Variants in ADGRB3 observed in about 807,000 individuals in gnomAD.
The protein encoded by ADGRB3 is brain-specific angiogenesis inhibitor 3.
In ADGRB3, 37 loss-of-function variants were observed where a neutral mutation model predicts 193.4. The ratio of observed to expected loss-of-function variants is 0.19; its 90% CI spans 0.15 to 0.25. The LOEUF (loss-of-function observed/expected upper bound fraction) is 0.25, where lower values mean the gene tolerates loss of function less well. Among genes scored for constraint, ADGRB3 ranks in the 10% least tolerant of loss-of-function variants. ADGRB3 has a pLI of 1.00. For missense variants in ADGRB3, 1,637 were observed against 1,852.9 expected, an observed-to-expected ratio of 0.88 and a Z score of 2.14; for synonymous variants, 690 against 644.2, an observed-to-expected ratio of 1.07 and a Z score of -1.08.
chr6:69,287,105 A>G (rs528969927), intron 20 of ADGRB3, among the ~76,000 whole-genome samples: 1 of 152,216 alleles, frequency 6.6e-6, no homozygotes, highest in Non-Finnish European at 1.5e-5. Flanking sequence ...GTTGGTGTAA[A>G]GAAAAAATGA....
intron 17 of ADGRB3, among the ~76,000 whole-genome samples, chr6:69,079,768 C>T (rs189518232): frequency 2.0e-5 from 3 of 152,104 alleles, no homozygotes; most frequent in Non-Finnish European, 2.9e-5. Flanking sequence ...CCTATAATCC[C>T]TCCCTTAAAT....
chr6:68,787,265 A>G (rs1052023298), intron 3 of ADGRB3, among the ~76,000 whole-genome samples: 2 of 152,152 alleles, frequency 1.3e-5, no homozygotes, highest in Non-Finnish European at 2.9e-5. Context: ...GTTTTTGCCC[A>G]TTCAGTATGA....
At chr6:69,187,303 G>A (rs779141174) in intron 17 of ADGRB3, among the ~76,000 whole-genome samples, 1 of 152,082 alleles carries the variant, frequency 6.6e-6, no homozygotes, top group Non-Finnish European at 1.5e-5. Flanking sequence ...TGGATCTAAA[G>A]TCTTCCGGGC....
At chr6:68,773,721 T>C (rs1480577251) in intron 3 of ADGRB3, among the ~76,000 whole-genome samples, 1 of 152,138 alleles carries the variant, frequency 6.6e-6, no homozygotes, top group Non-Finnish European at 1.5e-5. Flanking sequence ...ATAGTCCAGA[T>C]TTGGAGGATC....
intron 17 of ADGRB3, among the ~76,000 whole-genome samples, chr6:69,086,500 C>T (rs1429857989): frequency 6.6e-6 from 1 of 152,106 alleles, no homozygotes; most frequent in Non-Finnish European, 1.5e-5. Context: ...TTTCCTGCCA[C>T]TAATACTTTA....
At chr6:68,828,261 G>A (rs1371001616) in intron 3 of ADGRB3, among the ~76,000 whole-genome samples, 1 of 152,062 alleles carries the variant, frequency 6.6e-6, no homozygotes, top group South Asian at 2.1e-4. Flanking sequence ...TACTGTGCTG[G>A]CTGGATAACA....
intron 10 of ADGRB3, among the ~76,000 whole-genome samples, chr6:68,992,844 G>A (rs975052176): frequency 3.3e-5 from 5 of 152,034 alleles, no homozygotes; most frequent in African/African-American, 1.2e-4. Context: ...ATTGGTAATT[G>A]CAATTAATGT....
chr6:68,894,609 T>G (rs1345466112), intron 3 of ADGRB3, among the ~76,000 whole-genome samples: 1 of 151,950 alleles, frequency 6.6e-6, no homozygotes, highest in African/African-American at 2.4e-5. Context: ...TATGAACTCA[T>G]GTTATATACA....
At chr6:69,367,974 A>C (rs1468530989) in intron 29 of ADGRB3, among the ~76,000 whole-genome samples, 1 of 123,170 alleles carries the variant, frequency 8.1e-6, no homozygotes, top group Non-Finnish European at 1.6e-5. Context: ...GAAGGGGAAT[A>C]TCACACTCTG....
chr6:68,962,872 C>G (rs753604668), intron 8 of ADGRB3, among the ~76,000 whole-genome samples: 2 of 152,194 alleles, frequency 1.3e-5, no homozygotes, highest in Non-Finnish European at 1.5e-5. Flanking sequence ...GCACTCTTCT[C>G]TTTTGTTGAT....
At chr6:69,215,855 A>C (rs1765763208) in intron 17 of ADGRB3, among the ~76,000 whole-genome samples, 2 of 152,130 alleles carry the variant, frequency 1.3e-5, no homozygotes, top group African/African-American at 2.4e-5. Context: ...CAGTGAAATA[A>C]ATTTCTTAGG....
chr6:69,369,043 T>A (rs1769650194), intron 29 of ADGRB3, among the ~76,000 whole-genome samples: 1 of 152,184 alleles, frequency 6.6e-6, no homozygotes, highest in African/African-American at 2.4e-5. Context: ...TGTATCTTCA[T>A]TAAATATTTC....
At chr6:68,656,730 G>C (rs898305164) in intron 3 of ADGRB3, among the ~76,000 whole-genome samples, 6 of 151,320 alleles carry the variant, frequency 4.0e-5, no homozygotes, top group African/African-American at 7.3e-5. Context: ...CTATATCACT[G>C]GAAGCAATGA....
intron 3 of ADGRB3, among the ~76,000 whole-genome samples, chr6:68,832,399 C>T (rs497240): frequency 0.21 from 32,076 of 151,900 alleles, 3,947 homozygotes; most frequent in East Asian, 0.58. Flanking sequence ...CTCATTTCAC[C>T]TCCTCGACTA....
chr6:68,834,901 A>G (rs1332338327), intron 3 of ADGRB3, among the ~76,000 whole-genome samples: 1 of 152,162 alleles, frequency 6.6e-6, no homozygotes, highest in Non-Finnish European at 1.5e-5. Context: ...GTTTCGGTCA[A>G]ATTGAATGTA....
chr6:69,112,370 A>T (rs1047057255), intron 17 of ADGRB3, among the ~76,000 whole-genome samples: 1 of 152,200 alleles, frequency 6.6e-6, no homozygotes, highest in African/African-American at 2.4e-5. Flanking sequence ...TTTCGTTCAC[A>T]TCCTATTGAC....
intron 17 of ADGRB3, among the ~76,000 whole-genome samples, chr6:69,153,999 A>C (rs1249731144): frequency 6.6e-6 from 1 of 152,182 alleles, no homozygotes; most frequent in Non-Finnish European, 1.5e-5. Flanking sequence ...TCTCAAAAAA[A>C]AAGAAACATA....
chr6:68,718,301 C>T (rs1765519533), intron 3 of ADGRB3, among the ~76,000 whole-genome samples: 1 of 151,620 alleles, frequency 6.6e-6, no homozygotes, highest in African/African-American at 2.4e-5. Context: ...AGAATTTTTG[C>T]AGATTGGAGC....
intron 6 of ADGRB3, among the ~76,000 whole-genome samples, chr6:68,953,814 T>TA (rs1273522320): frequency 1.3e-5 from 2 of 152,204 alleles, no homozygotes; most frequent in Non-Finnish European, 2.9e-5. Flanking sequence ...TGAAAGTACT[T>TA]ATTATATTCT....
Sources: gnomAD v4.1 joint callset for allele counts (sites outside exome capture counted in the v4.1 genomes callset) on GRCh38, gnomAD v4.1.1 for gene constraint, MANE v1.5 for transcripts, NCBI Gene and HGNC (gene_info 2026-07-23, HGNC 2026-07-21) for gene names.